GRM4: variants seen among roughly 807,000 people sequenced by gnomAD.
GRM4 encodes glutamate metabotropic receptor 4, also known as metabotropic glutamate receptor 4.
GRM4 carries 28 observed loss-of-function variants against 81.7 expected under a neutral mutation model. The ratio of observed to expected loss-of-function variants is 0.34; its 90% CI spans 0.25 to 0.47. GRM4 has a LOEUF of 0.47. Among genes scored for constraint, GRM4 ranks in the 20% least tolerant of loss-of-function variants. The probability of loss-of-function intolerance (pLI) is 1.00; values close to 1 mark genes in which losing one functional copy is unlikely to be tolerated. For missense variants in GRM4, 948 were observed against 1,290.0 expected (o/e 0.73, Z 4.06); for synonymous variants, 488 against 528.8 (o/e 0.92, Z 1.06).
chr6:34,046,190 A>G (rs1412657445), intron 6 of GRM4, among the ~76,000 whole-genome samples: 1 of 152,094 alleles, frequency 6.6e-6, no homozygotes, highest in Non-Finnish European at 1.5e-5. Context: ...GGGTAGACAA[A>G]ATCCACCACA....
At chr6:34,122,024 G>A (rs756582075) in intron 2 of GRM4, among the ~76,000 whole-genome samples, 6 of 152,232 alleles carry the variant, frequency 3.9e-5, no homozygotes, top group East Asian at 3.9e-4. Flanking sequence ...GCCCGAGGCC[G>A]TAATCAAGGT....
intron 3 of GRM4, among the ~76,000 whole-genome samples, chr6:34,073,845 C>T (rs182351338): frequency 1.7e-3 from 261 of 152,320 alleles, no homozygotes; most frequent in Middle Eastern, 0.014. Flanking sequence ...AAGCTCACAC[C>T]CCTCACACTG....
At chr6:34,147,590 T>G (rs1369099167), upstream of GRM4, among the ~76,000 whole-genome samples, 1 of 152,248 alleles carries the variant, frequency 6.6e-6, no homozygotes, top group Non-Finnish European at 1.5e-5. Context: ...ACTGCAGGTA[T>G]GGGGTGTGCA....
chr6:34,049,140 A>G (rs1206473472), intron 6 of GRM4, among the ~76,000 whole-genome samples: 2 of 151,602 alleles, frequency 1.3e-5, no homozygotes, highest in African/African-American at 4.9e-5. Flanking sequence ...GCTCACTGTC[A>G]TCAGTTTCTC....
Position 34,114,765 on chromosome 6 carries a change from C to T in GRM4, c.519+18213G>A, listed in dbSNP as rs1197210729. Among the ~76,000 whole-genome samples the T allele has an allele frequency of 6.6e-6, 1 of 152,166 alleles. No homozygotes were observed. The highest frequency in any genetic ancestry group is 1.5e-5 in the Non-Finnish European group (1 of 68,026). ...GCCCCTAGACCCTCACCTGTACCCC[C>T]TCACAGCCCTCCCATACCCCAGTTT... On this transcript the variant is annotated intron_variant, in intron 2 of 10. Coordinates refer to ENST00000538487, the MANE Select transcript of GRM4 (RefSeq NM_000841.4). The surrounding 1 kb of genome is among the most constrained non-coding windows in gnomAD (Gnocchi z 4.3).
rs1001549428 is a variant in GRM4, at chr6:34,022,958, A to C, written c.2690-88T>G. ...CACATGGGCACAGCCCTGCACAAGA[A>C]CCTACCATAGCTCCCCGCCTCTCAT... On this transcript the variant is annotated intron_variant, in intron 10 of 10. Transcript: ENST00000538487. This position sits in a 1 kb window ranked among gnomAD's most constrained non-coding sequence, Gnocchi z 5.6. The C allele has an allele frequency of 4.4e-4, 443 of 1,003,754 alleles. 1 individual carries two copies. In the African/African-American group the frequency reaches 5.8e-3, roughly 13 times the overall value. The allele number at this position is 1,003,754 out of a possible 1,614,324, so 62.2% of individuals were successfully genotyped here. A position where few individuals can be genotyped will look rare whatever the true frequency, so the allele number is the denominator to read the frequency against.
chr6:34,067,618 C>T (rs1766554549), intron 3 of GRM4, among the ~76,000 whole-genome samples: 1 of 144,066 alleles, frequency 6.9e-6, no homozygotes. Context: ...TCATGCCTTC[C>T]TCCCTCCCTT....
rs1374947744 is a variant in GRM4, at chr6:34,035,581, AG to A, written c.2442+86del. On this transcript the variant is annotated intron_variant, in intron 9 of 10. Coordinates refer to ENST00000538487, the MANE Select transcript of GRM4 (RefSeq NM_000841.4). The surrounding 1 kb of genome is among the most constrained non-coding windows in gnomAD (Gnocchi z 6.6). ...GCATGAAAGAAGGCATTTCTGGAGC[AG>A]GGGGGAGGCCAGCCAGCCTCAGGAG... 18 of 718,310 alleles carry A rather than the reference AG, an allele frequency of 2.5e-5. No individual in the cohort carries two copies. In the South Asian group the frequency reaches 3.2e-4, roughly 13 times the overall value. The allele number at this position is 718,310 out of a possible 1,614,324, so 44.5% of individuals were successfully genotyped here.
Position 34,132,977 on chromosome 6 carries a change from C to A in GRM4, c.519+1G>T. ...CTCAGGGGACCAACCAAGGCACTGA[C>A]CTTGAAGAGGCGAAGGATGTTGGCC... On this transcript the variant is annotated splice_donor_variant, in intron 2 of 10. Transcript: ENST00000538487. LOFTEE classifies it high-confidence loss of function. 1 of 1,591,030 alleles carries A rather than the reference C, an allele frequency of 6.3e-7. No individual in the cohort carries two copies. The highest frequency in any genetic ancestry group is 8.6e-7 in the Non-Finnish European group (1 of 1,166,686).
intron 2 of GRM4, among the ~76,000 whole-genome samples, chr6:34,128,965 G>C (rs1221166723): frequency 2.6e-5 from 4 of 152,084 alleles, no homozygotes; most frequent in African/African-American, 9.7e-5. Flanking sequence ...CTTCCCTCTG[G>C]GGGTGTCTCC....
intron 3 of GRM4, among the ~76,000 whole-genome samples, chr6:34,071,614 C>CACAGAG: frequency 5.0e-3 from 7 of 1,414 alleles, no homozygotes; most frequent in South Asian, 0.024. Flanking sequence ...CACACACACC[C>CACAGAG]ATACATCACC....
intron 3 of GRM4, among the ~76,000 whole-genome samples, chr6:34,083,883 G>A (rs140585170): frequency 0.02 from 2,993 of 152,246 alleles, 37 homozygotes; most frequent in Non-Finnish European, 0.031. Flanking sequence ...GAGGTGGGAG[G>A]GTTGCATGCT....
Position 34,040,183 on chromosome 6 carries a change from G to C in GRM4, c.1501C>G (p.Leu501Val). ...CTCCCTGCCCTCCCACTTACTCTAA[G>C]GTGCAGGTGGTCAGTCCAGGAGCCA... ...VIGSWTDHLHLRIERMHWPGS... is the reference protein window; with the variant it reads ...VIGSWTDHLHVRIERMHWPGS... The change falls in exon 8 of 11, where the codon CTT (leucine) becomes GTT (valine). Residue 501 changes from leucine to valine, a missense_variant. Transcript: ENST00000538487. 6.2e-7 allele frequency: 1 copy of C among 1,613,852 alleles called. No individual in the cohort carries two copies. The highest frequency in any genetic ancestry group is 8.5e-7 in the Non-Finnish European group (1 of 1,179,730).
chr6:34,128,144 A>C (rs958256360), intron 2 of GRM4, among the ~76,000 whole-genome samples: 1 of 152,098 alleles, frequency 6.6e-6, no homozygotes, highest in Non-Finnish European at 1.5e-5. Flanking sequence ...TGAGTGCTGC[A>C]CTCGTGGCAG....
chr6:34,109,926 T>G (rs1292680594), intron 2 of GRM4, among the ~76,000 whole-genome samples: 1 of 115,598 alleles, frequency 8.7e-6, no homozygotes, highest in African/African-American at 2.7e-5. Flanking sequence ...CTCTGCTCCA[T>G]GTACACCACC....
At chr6:34,091,638 C>T (rs1768221000) in intron 3 of GRM4, 1 of 559,780 alleles carries the variant, frequency 1.8e-6, no homozygotes, top group Admixed American at 3.1e-5. Context: ...GGGAGGTCAA[C>T]AGTCCCCTCA....
At chr6:34,053,059 A>G (rs1765690370) in intron 6 of GRM4, among the ~76,000 whole-genome samples, 1 of 152,196 alleles carries the variant, frequency 6.6e-6, no homozygotes, top group Non-Finnish European at 1.5e-5. Flanking sequence ...CAGCAATAAC[A>G]ATCATTTTAT....
intron 5 of GRM4, among the ~76,000 whole-genome samples, chr6:34,058,042 G>A (rs1254658174): frequency 6.6e-6 from 1 of 152,200 alleles, no homozygotes; most frequent in Non-Finnish European, 1.5e-5. Context: ...GAGTCTGAGA[G>A]GACCGGGGCT....
chr6:34,037,680 T>C (rs1432596472), intron 8 of GRM4, among the ~76,000 whole-genome samples: 3 of 152,066 alleles, frequency 2.0e-5, no homozygotes, highest in East Asian at 3.9e-4. Context: ...CTGGCCAACA[T>C]GGTGAAACCC....
Sources: allele counts gnomAD v4.1 joint callset (sites outside exome capture counted in the v4.1 genomes callset), GRCh38; gene constraint gnomAD v4.1.1; non-coding constraint Gnocchi (gnomAD v3.1); transcripts MANE v1.5; gene names NCBI Gene and HGNC (gene_info 2026-07-23, HGNC 2026-07-21).